Variants in IQCM observed in about 807,000 individuals in gnomAD.
The protein encoded by IQCM is IQ motif containing M, also known as IQ domain-containing protein M.
IQCM carries 45 observed loss-of-function variants against 57.6 expected under a neutral mutation model. The ratio of observed to expected loss-of-function variants is 0.78; its 90% CI spans 0.62 to 1.00. The LOEUF is 1.00. IQCM is among the 50% of genes least tolerant of loss of function. IQCM has a pLI of 0.00. For missense variants in IQCM, 468 were observed against 511.6 expected (o/e 0.91, Z 0.82); for synonymous variants, 148 against 158.9 (o/e 0.93, Z 0.51).
chr4:149,653,467 G>C (rs1268268213), intron 7 of IQCM, among the ~76,000 whole-genome samples: 1 of 151,806 alleles, frequency 6.6e-6, no homozygotes, highest in Non-Finnish European at 1.5e-5. Flanking sequence ...ACATATATGT[G>C]TGTGTGTGCA....
chr4:149,612,727 T>G (rs1755414508), intron 8 of IQCM, among the ~76,000 whole-genome samples: 1 of 152,076 alleles, frequency 6.6e-6, no homozygotes, highest in African/African-American at 2.4e-5. Flanking sequence ...TTTTTCAAAG[T>G]AAATATCTAT....
chr4:149,587,937 G>T lies in IQCM; in HGVS notation c.742C>A (p.Gln248Lys). The T allele has an allele frequency of 8.2e-7, 1 of 1,217,628 alleles. No homozygotes were observed. The highest frequency in any genetic ancestry group is 1.6e-5 in the African/African-American group (1 of 64,062). 75.4% of individuals were successfully genotyped at this position (1,217,628 alleles called of 1,614,324 possible). The change falls in exon 9 of 14, where the codon CAA becomes AAA. Residue 248 changes from glutamine to lysine, a missense_variant. Transcript: ENST00000636793. ...ATTATATAAAAGATATACCTGGGTT[G>T]TGATTTTGGTTCTGGCTTGATAGGT... Reference protein sequence around the residue: ...RQPIKPEPKSQPRIKGTPNKT... With the variant: ...RQPIKPEPKSKPRIKGTPNKT...
chr4:149,637,180 A>G (rs1462125548), intron 7 of IQCM, among the ~76,000 whole-genome samples: 2 of 151,084 alleles, frequency 1.3e-5, no homozygotes, highest in East Asian at 1.9e-4. Flanking sequence ...AAAAAAAAAG[A>G]AAGTGAATTT....
intron 13 of IQCM, among the ~76,000 whole-genome samples, chr4:149,377,314 G>A (rs957071831): frequency 5.3e-5 from 8 of 152,034 alleles, no homozygotes; most frequent in South Asian, 2.1e-4. Flanking sequence ...ACTAGCTTAC[G>A]ATAAACAAAA....
Position 149,607,379 on chromosome 4 carries a change from A to T in IQCM, c.681+13750T>A, listed in dbSNP as rs140454300. On this transcript the variant is annotated intron_variant, in intron 8 of 13. Coordinates refer to ENST00000636793, the MANE Select transcript of IQCM (RefSeq NM_001363507.2). Reference sequence around the variant, plus strand: ...TCACTGACACCAGACCTGTTTTCCAAGAAATTCTAAAGGGAGTTTGTTCAA... The same window carrying T: ...TCACTGACACCAGACCTGTTTTCCATGAAATTCTAAAGGGAGTTTGTTCAA... Among the ~76,000 whole-genome samples, 10 of 152,202 alleles carry T rather than the reference A, an allele frequency of 6.6e-5. No individual in the cohort carries two copies. In the East Asian group the frequency reaches 1.9e-3, roughly 30 times the overall value.
intron 7 of IQCM, among the ~76,000 whole-genome samples, chr4:149,660,350 A>G (rs1176750491): frequency 2.2e-4 from 34 of 152,096 alleles, no homozygotes; most frequent in East Asian, 1.4e-3. Context: ...TGGAGAGGAT[A>G]TGGAGAAATA....
intron 12 of IQCM, among the ~76,000 whole-genome samples, chr4:149,496,823 T>C (rs1414681645): frequency 6.6e-6 from 1 of 152,198 alleles, no homozygotes; most frequent in East Asian, 1.9e-4. Context: ...ATTCCTTTCA[T>C]TCAATATTCA....
At chr4:149,415,076 A>G (rs1733648336) in intron 13 of IQCM, among the ~76,000 whole-genome samples, 1 of 152,146 alleles carries the variant, frequency 6.6e-6, no homozygotes, top group South Asian at 2.1e-4. Context: ...ACTTTATATG[A>G]CTTCTAAAAA....
intron 13 of IQCM, among the ~76,000 whole-genome samples, chr4:149,400,347 G>C (rs1732530951): frequency 6.6e-6 from 1 of 151,948 alleles, no homozygotes; most frequent in African/African-American, 2.4e-5. Flanking sequence ...AGTTAAAGGT[G>C]AAAGAGTGGA....
intron 3 of IQCM, among the ~76,000 whole-genome samples, chr4:149,738,028 T>G (rs1035780929): frequency 6.6e-6 from 1 of 152,188 alleles, no homozygotes; most frequent in African/African-American, 2.4e-5. Context: ...TTGTTCAAAA[T>G]GTAGCTTTGT....
At chr4:149,659,463 A>T (rs897513034) in intron 7 of IQCM, among the ~76,000 whole-genome samples, 3 of 152,206 alleles carry the variant, frequency 2.0e-5, no homozygotes, top group African/African-American at 7.2e-5. Flanking sequence ...CTTTCTTCAC[A>T]GAATTGGAAA....
chr4:149,599,182 T>C (rs1487383814), intron 8 of IQCM, among the ~76,000 whole-genome samples: 1 of 152,036 alleles, frequency 6.6e-6, no homozygotes, highest in Non-Finnish European at 1.5e-5. Context: ...CTCTCAGCTA[T>C]AGAAAGGATA....
intron 9 of IQCM, among the ~76,000 whole-genome samples, chr4:149,566,408 C>G (rs1167906941): frequency 6.6e-6 from 1 of 152,108 alleles, no homozygotes; most frequent in African/African-American, 2.4e-5. Context: ...GAAGTGACAG[C>G]TCTAGGTCAT....
chr4:149,618,567 C>T (rs1485458692), intron 8 of IQCM, among the ~76,000 whole-genome samples: 2 of 152,026 alleles, frequency 1.3e-5, no homozygotes, highest in South Asian at 2.1e-4. Flanking sequence ...AGACAACCTA[C>T]AGAATGGGAG....
At chr4:149,585,239 T>C (rs958049751) in intron 9 of IQCM, among the ~76,000 whole-genome samples, 3 of 151,688 alleles carry the variant, frequency 2.0e-5, no homozygotes, top group African/African-American at 4.8e-5. Flanking sequence ...AGTTGACTGA[T>C]GACTGATGGA....
chr4:149,805,617 A>C (rs1274916959), intron 2 of IQCM, among the ~76,000 whole-genome samples: 1 of 152,048 alleles, frequency 6.6e-6, no homozygotes, highest in Non-Finnish European at 1.5e-5. Context: ...GTATATTTTT[A>C]ATTCTAAATT....
intron 8 of IQCM, among the ~76,000 whole-genome samples, chr4:149,601,065 T>C (rs1754234514): frequency 6.6e-6 from 1 of 152,314 alleles, no homozygotes; most frequent in East Asian, 1.9e-4. Flanking sequence ...AATTACCTCG[T>C]ACACATTGTC....
chr4:149,764,501 A>G (rs189459165), intron 2 of IQCM, among the ~76,000 whole-genome samples: 37 of 152,258 alleles, frequency 2.4e-4, no homozygotes, highest in African/African-American at 8.9e-4. Flanking sequence ...CCCGCCTCCC[A>G]GGCCCATACA....
At chr4:149,669,256 C>T (rs995448579) in intron 7 of IQCM, among the ~76,000 whole-genome samples, 2 of 152,086 alleles carry the variant, frequency 1.3e-5, no homozygotes, top group African/African-American at 4.8e-5. Flanking sequence ...TTTTATGTGT[C>T]TGTTGGCTAC....
Sources: gnomAD v4.1 joint callset for allele counts (sites outside exome capture counted in the v4.1 genomes callset) on GRCh38, gnomAD v4.1.1 for gene constraint, MANE v1.5 for transcripts, NCBI Gene and HGNC (gene_info 2026-07-23, HGNC 2026-07-21) for gene names.